LRRC4C: variants seen among roughly 807,000 people sequenced by gnomAD.
LRRC4C encodes leucine-rich repeat-containing protein 4C.
LRRC4C carries 5 observed loss-of-function variants against 33.6 expected under a neutral mutation model. That is an observed-to-expected ratio of 0.15 (90% CI 0.08 to 0.31). The LOEUF is 0.31. LRRC4C is among the 10% of genes least tolerant of loss of function. The probability of loss-of-function intolerance (pLI) is 1.00; values close to 1 mark genes in which losing one functional copy is unlikely to be tolerated. For synonymous variants in LRRC4C, 329 were observed against 302.0 expected (o/e 1.09, Z -0.93); for missense variants, 560 against 796.7 (o/e 0.70, Z 3.58).
intron 3 of LRRC4C, among the ~76,000 whole-genome samples, chr11:40,541,304 G>T (rs1956698377): frequency 6.6e-6 from 1 of 152,030 alleles, no homozygotes; most frequent in Non-Finnish European, 1.5e-5. Context: ...GCAGGGTCAT[G>T]CTTTCTTGCC....
chr11:40,897,457 T>C (rs563318021), intron 2 of LRRC4C, among the ~76,000 whole-genome samples: 1 of 152,234 alleles, frequency 6.6e-6, no homozygotes, highest in East Asian at 1.9e-4. Flanking sequence ...AATCATCATG[T>C]CATCAGATCA....
intron 3 of LRRC4C, among the ~76,000 whole-genome samples, chr11:40,433,629 C>G (rs1462910961): frequency 6.6e-6 from 1 of 152,168 alleles, no homozygotes; most frequent in Non-Finnish European, 1.5e-5. Flanking sequence ...CTCTCAGCAG[C>G]AGATATACTG....
chr11:40,949,533 C>G (rs1442586705), intron 1 of LRRC4C, among the ~76,000 whole-genome samples: 1 of 151,870 alleles, frequency 6.6e-6, no homozygotes, highest in South Asian at 2.1e-4. Context: ...AGAAACTCTA[C>G]AAGCCAGAAG....
chr11:41,162,076 A>AT (rs1944496929), intron 1 of LRRC4C, among the ~76,000 whole-genome samples: 1 of 151,974 alleles, frequency 6.6e-6, no homozygotes, highest in East Asian at 1.9e-4. Context: ...GAGGTAAGAG[A>AT]TTTTTCTGAT....
intron 4 of LRRC4C, among the ~76,000 whole-genome samples, chr11:40,318,181 GATTA>G (rs1278602369): frequency 1.3e-5 from 2 of 152,066 alleles, no homozygotes; most frequent in Non-Finnish European, 2.9e-5. Context: ...TGTTTTCAGT[GATTA>G]ATTATTCCTT....
At chr11:40,430,257 A>C (rs1219198774) in intron 3 of LRRC4C, among the ~76,000 whole-genome samples, 1 of 133,428 alleles carries the variant, frequency 7.5e-6, no homozygotes, top group Non-Finnish European at 1.6e-5. Context: ...AGAAAAGTGC[A>C]CGTATGGGGG....
chr11:40,367,734 TA>T (rs1948274145), intron 3 of LRRC4C, among the ~76,000 whole-genome samples: 1 of 152,170 alleles, frequency 6.6e-6, no homozygotes, highest in African/African-American at 2.4e-5. Context: ...GCCTTCCTGA[TA>T]TTTTTTATTA....
chr11:40,268,465 C>T (rs1320064351), intron 4 of LRRC4C, among the ~76,000 whole-genome samples: 2 of 152,020 alleles, frequency 1.3e-5, no homozygotes, highest in African/African-American at 2.4e-5. Context: ...GAACTTTATA[C>T]TTTTATTACT....
intron 3 of LRRC4C, among the ~76,000 whole-genome samples, chr11:40,465,181 A>G (rs889096399): frequency 2.6e-5 from 4 of 152,062 alleles, no homozygotes; most frequent in Non-Finnish European, 4.4e-5. Context: ...CCAATCTTCA[A>G]CAAAGCCAAC....
chr11:41,232,425 C>A (rs969532401), intron 1 of LRRC4C, among the ~76,000 whole-genome samples: 1 of 151,964 alleles, frequency 6.6e-6, no homozygotes, highest in Admixed American at 6.6e-5. Flanking sequence ...ACATAACAAT[C>A]AAAAATGCCT....
At chr11:40,782,361 C>T (rs1000375460) in intron 2 of LRRC4C, among the ~76,000 whole-genome samples, 96 of 152,170 alleles carry the variant, frequency 6.3e-4, no homozygotes, top group African/African-American at 2.0e-3. Context: ...GGTATGGCTG[C>T]TCTCACTTTT....
chr11:40,167,695 A>G (rs1424698527), intron 5 of LRRC4C, among the ~76,000 whole-genome samples: 1 of 152,046 alleles, frequency 6.6e-6, no homozygotes, highest in East Asian at 1.9e-4. Flanking sequence ...CTCTTTTGAT[A>G]TTGAGATTAA....
At chr11:40,276,719 G>A (rs1590887435) in intron 4 of LRRC4C, among the ~76,000 whole-genome samples, 1 of 141,456 alleles carries the variant, frequency 7.1e-6, no homozygotes, top group African/African-American at 2.6e-5. Context: ...GTGTGTGTGT[G>A]TGTATGTCTG....
intron 2 of LRRC4C, among the ~76,000 whole-genome samples, chr11:40,816,837 A>G (rs769175380): frequency 7.2e-5 from 11 of 152,138 alleles, no homozygotes; most frequent in Non-Finnish European, 1.5e-4. Context: ...TTAATCCTCA[A>G]TCTTTTGCAA....
intron 3 of LRRC4C, among the ~76,000 whole-genome samples, chr11:40,628,096 AACG>A (rs1565575238): frequency 6.6e-6 from 1 of 152,228 alleles, no homozygotes; most frequent in Non-Finnish European, 1.5e-5. Flanking sequence ...ATTTTCTATG[AACG>A]ACTAGTTTTA....
chr11:40,725,802 A>G (rs1947264694), intron 2 of LRRC4C, among the ~76,000 whole-genome samples: 1 of 152,118 alleles, frequency 6.6e-6, no homozygotes, highest in Admixed American at 6.5e-5. Flanking sequence ...TCAGAAACCT[A>G]GCATCAGCAT....
intron 2 of LRRC4C, among the ~76,000 whole-genome samples, chr11:40,682,143 G>A (rs969871902): frequency 6.6e-6 from 1 of 150,932 alleles, no homozygotes; most frequent in African/African-American, 2.5e-5. Flanking sequence ...GGTGGCACAT[G>A]TCTTTAGTCC....
At chr11:40,324,803 G>T (rs1365509749) in intron 3 of LRRC4C, among the ~76,000 whole-genome samples, 1 of 152,168 alleles carries the variant, frequency 6.6e-6, no homozygotes, top group African/African-American at 2.4e-5. Context: ...GTCAGACAGG[G>T]TTTCTTAACT....
chr11:40,625,107 T>C (rs1055210380), intron 3 of LRRC4C, among the ~76,000 whole-genome samples: 10 of 152,198 alleles, frequency 6.6e-5, no homozygotes, highest in African/African-American at 2.2e-4. Context: ...AAAGAAACAT[T>C]TTAAGTAGGG....
Sources: gnomAD v4.1 joint callset for allele counts (sites outside exome capture counted in the v4.1 genomes callset) on GRCh38, gnomAD v4.1.1 for gene constraint, MANE v1.5 for transcripts, NCBI Gene and HGNC (gene_info 2026-07-23, HGNC 2026-07-21) for gene names.